Variants in CCDC171 observed in about 807,000 individuals in gnomAD.
CCDC171 encodes the protein coiled-coil domain containing 171.
Under a neutral mutation model 168.2 loss-of-function variants are expected in CCDC171, and 177 were observed. The ratio of observed to expected loss-of-function variants is 1.05; its 90% confidence interval spans 0.93 to 1.19. The LOEUF (loss-of-function observed/expected upper bound fraction) is 1.19. Ranked by LOEUF, CCDC171 falls within the 50% of genes most tolerant of loss-of-function variation. The probability of loss-of-function intolerance (pLI) is 0.00; values close to 1 mark genes in which losing one functional copy is unlikely to be tolerated. For synonymous variants in CCDC171, 687 were observed against 540.8 expected (o/e 1.27, Z -3.75); for missense variants, 1,991 against 1,539.0 (o/e 1.29, Z -4.91).
At chr9:15,731,611 T>C (rs183523115) in intron 16 of CCDC171, among the ~76,000 whole-genome samples, 67 of 152,246 alleles carry the variant, frequency 4.4e-4, no homozygotes, top group Admixed American at 1.2e-3. Context: ...GGTTGATGGA[T>C]ATTTGAGTTG....
chr9:15,778,632 T>C (rs78770153), intron 19 of CCDC171, among the ~76,000 whole-genome samples: 42,007 of 99,230 alleles, frequency 0.42, 9,023 homozygotes, highest in East Asian at 0.68. Flanking sequence ...GCCTACAGAG[T>C]AAGACTGTCT....
intron 25 of CCDC171, among the ~76,000 whole-genome samples, chr9:15,959,916 G>A (rs762596813): frequency 7.2e-5 from 11 of 152,150 alleles, no homozygotes; most frequent in Non-Finnish European, 1.2e-4. Context: ...TCAGATGACA[G>A]AAAGGGAAGG....
chr9:15,959,129 T>C (rs1200122653), intron 25 of CCDC171, among the ~76,000 whole-genome samples: 1 of 152,156 alleles, frequency 6.6e-6, no homozygotes, highest in Non-Finnish European at 1.5e-5. Context: ...GGGACAAACA[T>C]GCCTGGCCAA....
rs567151385 is a variant in CCDC171, at chr9:15,694,635, C to T, written c.1216-600C>T. Reference sequence around the variant, plus strand: ...TCTTTTTCTGCGTACTTCCCTTATCCTCATCCAATCCAATCCAGTTCAATC... The same window carrying T: ...TCTTTTTCTGCGTACTTCCCTTATCTTCATCCAATCCAATCCAGTTCAATC... On this transcript the variant is annotated intron_variant, in intron 10 of 25. Transcript: ENST00000380701. Among the ~76,000 whole-genome samples the T allele has an allele frequency of 8.5e-5, 13 of 152,296 alleles. No homozygotes were observed. In the East Asian group the frequency reaches 2.3e-3, roughly 27 times the overall value.
intron 18 of CCDC171, among the ~76,000 whole-genome samples, chr9:15,772,544 A>T (rs1032614473): frequency 2.6e-5 from 4 of 152,198 alleles, no homozygotes; most frequent in African/African-American, 9.6e-5. Context: ...TAAGATTGTG[A>T]TATATTGGGG....
At chr9:15,661,227 C>T in intron 8 of CCDC171, among the ~76,000 whole-genome samples, 1 of 143,448 alleles carries the variant, frequency 7.0e-6, no homozygotes, top group African/African-American at 2.7e-5. Context: ...CTGCAGTGAG[C>T]AGAGATTGCA....
intron 18 of CCDC171, among the ~76,000 whole-genome samples, chr9:15,769,451 A>T (rs2056899566): frequency 6.6e-6 from 1 of 152,224 alleles, no homozygotes; most frequent in Non-Finnish European, 1.5e-5. Context: ...GAATGAGAAA[A>T]AAACATCTTG....
At chr9:16,012,584 A>C (rs2132991328) in intron 3 of CCDC171, among the ~76,000 whole-genome samples, 1 of 129,012 alleles carries the variant, frequency 7.8e-6, no homozygotes, top group South Asian at 2.5e-4. Context: ...TTTTTTTCAA[A>C]GAATTCGTTA....
At chr9:15,941,306 C>T (rs1038011140) in intron 25 of CCDC171, among the ~76,000 whole-genome samples, 1 of 151,932 alleles carries the variant, frequency 6.6e-6, no homozygotes, top group Non-Finnish European at 1.5e-5. Flanking sequence ...TGGAGCTCGC[C>T]GGTAGCGATT....
intron 10 of CCDC171, among the ~76,000 whole-genome samples, chr9:15,681,295 T>C (rs893812524): frequency 1.8e-4 from 28 of 152,150 alleles, no homozygotes; most frequent in Non-Finnish European, 3.8e-4. Context: ...CCTTGCCGAA[T>C]GGGATGTTCG....
chr9:16,070,850 G>A, the CCDC171 span, among the ~76,000 whole-genome samples: 8 of 152,204 alleles, frequency 5.3e-5, no homozygotes, highest in Non-Finnish European at 7.3e-5. Flanking sequence ...AAGTTGTGTA[G>A]CCCTCCTTCT....
rs1192333124 is a variant in CCDC171 at position 15,938,253 on chromosome 9, G to A, written c.3753+17831G>A. Among the ~76,000 whole-genome samples, 9 of 151,728 alleles carry A rather than the reference G, an allele frequency of 5.9e-5. No homozygotes were observed. The East Asian group carries it at 1.8e-3, about 30-fold the overall frequency. ...ACCATTATCTGTGTGTCCAAAACCC[G>A]TGCTCTAAACTAAAGATGGGAATAG... On this transcript the variant is annotated intron_variant, in intron 25 of 25. Transcript: ENST00000380701.
intron 21 of CCDC171, among the ~76,000 whole-genome samples, chr9:15,789,590 G>C (rs1203019064): frequency 6.6e-6 from 1 of 152,084 alleles, no homozygotes; most frequent in African/African-American, 2.4e-5. Flanking sequence ...CACATGAATA[G>C]ATAGATATAT....
chr9:16,001,175 CTGA>C (rs1423388571), intron 3 of CCDC171, among the ~76,000 whole-genome samples: 1 of 152,216 alleles, frequency 6.6e-6, no homozygotes, highest in Non-Finnish European at 1.5e-5. Flanking sequence ...TAGGAACCAA[CTGA>C]CAGGAGTGCA....
At chr9:15,610,359 C>G (rs998817902) in intron 6 of CCDC171, among the ~76,000 whole-genome samples, 3 of 145,478 alleles carry the variant, frequency 2.1e-5, no homozygotes, top group Non-Finnish European at 4.5e-5. Context: ...GTAATCCCAG[C>G]ACTTTGGGAG....
At chr9:16,029,929 T>C (rs1833339979) in intron 6 of CCDC171, among the ~76,000 whole-genome samples, 1 of 152,166 alleles carries the variant, frequency 6.6e-6, no homozygotes, top group Non-Finnish European at 1.5e-5. Flanking sequence ...GGAATTTATT[T>C]CCCACAGTTC....
At chr9:15,926,349 C>G (rs371803002) in intron 25 of CCDC171, among the ~76,000 whole-genome samples, 6 of 151,796 alleles carry the variant, frequency 4.0e-5, no homozygotes, top group African/African-American at 1.4e-4. Context: ...CTCACCCAAA[C>G]AGCCCGTACC....
At chr9:15,595,707 C>T (rs1009374523) in intron 6 of CCDC171, among the ~76,000 whole-genome samples, 1 of 151,762 alleles carries the variant, frequency 6.6e-6, no homozygotes, top group South Asian at 2.1e-4. Flanking sequence ...GTTCTAGATC[C>T]CTGAGGAATT....
In CCDC171 at chr9:15,666,177, C is replaced by A; in HGVS notation, c.930C>A (p.Asp310Glu). The A allele has an allele frequency of 6.2e-7, 1 of 1,613,398 alleles. No individual in the cohort carries two copies. Among genetic ancestry groups the A allele is most frequent in the Non-Finnish European group, 8.5e-7 (1 of 1,179,776 alleles). The change falls in exon 9 of 26, where the codon GAC (aspartate) becomes GAA (glutamate). Residue 310 changes from aspartate to glutamate, a missense_variant. By Grantham distance (45) the Asp-to-Glu change is conservative. Coordinates refer to ENST00000380701, the MANE Select transcript of CCDC171 (RefSeq NM_173550.4). ...TCGTCCGGTAGTTACGGATTCGAGA[C>A]CTTGAAGGAGCTTTGCAAGTAGAGA... Reference protein sequence around the residue: ...NSEIIQLRIRDLEGALQVEKA... With the variant: ...NSEIIQLRIRELEGALQVEKA...
Sources: gnomAD v4.1 joint callset for allele counts (sites outside exome capture counted in the v4.1 genomes callset) on GRCh38, gnomAD v4.1.1 for gene constraint, MANE v1.5 for transcripts, NCBI Gene and HGNC (gene_info 2026-07-23, HGNC 2026-07-21) for gene names.